The following ZNF726 variants were observed in gnomAD, a reference collection of about 807,000 sequenced individuals.
The protein encoded by ZNF726 is zinc finger protein 726.
A neutral mutation model predicts 11.6 loss-of-function variants in ZNF726; 15 were observed. That is an observed-to-expected ratio of 1.29 (90% CI 0.86 to 1.99). ZNF726 has a LOEUF of 1.99. ZNF726 is among the 30% of genes most tolerant of loss of function. The pLI, the probability that ZNF726 is intolerant of heterozygous loss-of-function variation, is 0.00. For synonymous variants in ZNF726, 295 were observed against 243.6 expected (o/e 1.21, Z -1.96); for missense variants, 890 against 725.6 (o/e 1.23, Z -2.60).
At chr19:23,939,427 T>C (rs959971242), downstream of ZNF726, among the ~76,000 whole-genome samples, 3 of 152,178 alleles carry the variant, frequency 2.0e-5, no homozygotes, top group Non-Finnish European at 2.9e-5. Flanking sequence ...GCTGGAAATA[T>C]GGATGTTCAA....
downstream of ZNF726, among the ~76,000 whole-genome samples, chr19:23,937,915 T>C (rs1029147020): frequency 6.6e-6 from 1 of 152,220 alleles, no homozygotes; most frequent in African/African-American, 2.4e-5. Context: ...TACTGTACTT[T>C]TATGGAATAA....
chr19:23,943,977 G>A (rs947493765), intron 4 of ZNF726: 1 of 154,262 alleles, frequency 6.5e-6, no homozygotes. Flanking sequence ...GAGAGCAGTG[G>A]TGATATTAAG....
At chr19:23,923,105 A>G (rs1207881733) in intron 3 of ZNF726, among the ~76,000 whole-genome samples, 1 of 152,140 alleles carries the variant, frequency 6.6e-6, no homozygotes, top group African/African-American at 2.4e-5. Flanking sequence ...AGAATTTTCA[A>G]CCACTTTTGT....
At chr19:23,921,980 G>C (rs571206160) in intron 3 of ZNF726, among the ~76,000 whole-genome samples, 2 of 152,310 alleles carry the variant, frequency 1.3e-5, no homozygotes, top group South Asian at 4.1e-4. Flanking sequence ...CACCTCTTCA[G>C]AATTTTATAA....
intron 3 of ZNF726, chr19:23,943,346 T>C (rs575901600): frequency 2.4e-6 from 1 of 413,522 alleles, no homozygotes; most frequent in Non-Finnish European, 4.3e-6. Context: ...GTAAAATATG[T>C]TCTAAATATT....
chr19:23,941,198 G>C (rs770324757), intron 3 of ZNF726, among the ~76,000 whole-genome samples: 5 of 152,058 alleles, frequency 3.3e-5, no homozygotes, highest in African/African-American at 1.2e-4. Flanking sequence ...AGTGATGCTG[G>C]ATTTTGTCAA....
chr19:23,940,478 A>C (rs146958473), intron 3 of ZNF726, among the ~76,000 whole-genome samples: 1 of 152,010 alleles, frequency 6.6e-6, no homozygotes, highest in Admixed American at 6.6e-5. Context: ...TGCTTTGGCT[A>C]TGTGGGCTCT....
Position 23,934,163 on chromosome 19 carries a change from CT to C in ZNF726, c.*200del. 1 of 857,100 alleles carries C rather than the reference CT, an allele frequency of 1.2e-6. No homozygotes were observed. 53.1% of individuals were successfully genotyped at this position (857,100 alleles called of 1,614,324 possible). ...TACAAGTGTGAAGAATGTGGGAAAG[CT>C]TTTAATCATTCTCAAATCTTACTAC... On this transcript the variant is annotated 3_prime_UTR_variant, in exon 4 of 4. Transcript: ENST00000594466.
chr19:23,939,862 ATTTTTT>A (rs374902806), intron 3 of ZNF726, among the ~76,000 whole-genome samples: 21 of 87,140 alleles, frequency 2.4e-4, no homozygotes, highest in South Asian at 4.6e-4. Context: ...TTTTGATGGG[ATTTTTT>A]TTTTTTTTTT....
Position 23,920,280 on chromosome 19 carries a change from C to G in ZNF726, c.226+198C>G, listed in dbSNP as rs75812287. On this transcript the variant is annotated intron_variant, in intron 3 of 3. Coordinates refer to ENST00000594466, the MANE Select transcript of ZNF726 (RefSeq NM_001244038.2). ...AAAATCTCTAAGAATTCTACTCTCC[C>G]TTCAATGATCTTCCTTAACGTTTAC... 113 of 363,752 alleles carry G rather than the reference C, an allele frequency of 3.1e-4. 2 individuals carry two copies. In the East Asian group the frequency reaches 7.1e-3, roughly 23 times the overall value. 22.5% of individuals were successfully genotyped at this position (363,752 alleles called of 1,614,324 possible). A position where few individuals can be genotyped will look rare whatever the true frequency, so the allele number is the denominator to read the frequency against.
chr19:23,938,139 A>G (rs1449098907), downstream of ZNF726, among the ~76,000 whole-genome samples: 1 of 152,324 alleles, frequency 6.6e-6, no homozygotes, highest in African/African-American at 2.4e-5. Context: ...GTGGCTTTAA[A>G]TTGCCAATAA....
At chr19:23,937,282 G>A (rs1031689198), downstream of ZNF726, among the ~76,000 whole-genome samples, 104 of 151,544 alleles carry the variant, frequency 6.9e-4, no homozygotes, top group African/African-American at 2.4e-3. Flanking sequence ...CGGGCGGGGG[G>A]CTGACCCCCC....
chr19:23,917,362 T>G (rs915218626), intron 1 of ZNF726, among the ~76,000 whole-genome samples: 3 of 152,212 alleles, frequency 2.0e-5, no homozygotes, highest in Non-Finnish European at 2.9e-5. Context: ...TATATTTTAC[T>G]TGTTGAAAAC....
At chr19:23,916,531 A>G (rs1201078825) in intron 1 of ZNF726, among the ~76,000 whole-genome samples, 1 of 152,066 alleles carries the variant, frequency 6.6e-6, no homozygotes, top group Non-Finnish European at 1.5e-5. Flanking sequence ...GGGTTTCACT[A>G]TGTTGGCCAG....
At chr19:23,925,820 G>T (rs1967973850) in intron 3 of ZNF726, among the ~76,000 whole-genome samples, 1 of 149,846 alleles carries the variant, frequency 6.7e-6, no homozygotes, top group Non-Finnish European at 1.5e-5. Flanking sequence ...GGGTTCAAGC[G>T]ATTCTCCCAC....
intron 2 of ZNF726, 200 bp downstream of exon 2, chr19:23,919,699 C>T (rs1364935220): frequency 5.9e-5 from 37 of 622,554 alleles, no homozygotes; most frequent in South Asian, 5.0e-4. Flanking sequence ...CTGTGTCTTT[C>T]GCTTTAGATT....
At chr19:23,926,403 A>T (rs565065244) in intron 3 of ZNF726, among the ~76,000 whole-genome samples, 5 of 151,932 alleles carry the variant, frequency 3.3e-5, no homozygotes, top group Admixed American at 1.3e-4. Flanking sequence ...AAATACAAAA[A>T]AATTAGCTGA....
Position 23,919,505 on chromosome 19 carries a change from G to A in ZNF726, c.130+6G>A. ...CAGAAACCTGGCCTTCCTGGGTGAG[G>A]ATAACTTTAATACAAAATTTTTAAT... is the stretch of plus-strand genomic sequence containing the variant. On this transcript the variant is annotated splice_donor_region_variant and intron_variant, in intron 2 of 3. Transcript: ENST00000594466. 2 of 1,583,462 alleles carry A rather than the reference G, an allele frequency of 1.3e-6. No individual in the cohort carries two copies. The highest frequency in any genetic ancestry group is 2.3e-5 in the East Asian group (1 of 44,136).
At chr19:23,919,928 C>T in intron 2 of ZNF726, 59 bp from the exon 3 acceptor site, 3 of 1,215,626 alleles carry the variant, frequency 2.5e-6, no homozygotes, top group Non-Finnish European at 3.5e-6. Context: ...TTGCACATTA[C>T]TAAGTTGGTA....
Sources: gnomAD v4.1 joint callset for allele counts (sites outside exome capture counted in the v4.1 genomes callset) on GRCh38, gnomAD v4.1.1 for gene constraint, MANE v1.5 for transcripts, NCBI Gene and HGNC (gene_info 2026-07-23, HGNC 2026-07-21) for gene names.